Variants in RAPGEF5 observed in about 807,000 individuals in gnomAD.
The protein encoded by RAPGEF5 is Rap guanine nucleotide exchange factor 5.
A neutral mutation model predicts 125.2 loss-of-function variants in RAPGEF5; 65 were observed. The ratio of observed to expected loss-of-function variants is 0.52; its 90% confidence interval spans 0.43 to 0.64. The LOEUF is 0.64. RAPGEF5 is among the 30% of genes least tolerant of loss of function. The pLI is 0.00. For missense variants in RAPGEF5, 958 were observed against 1,048.1 expected (o/e 0.91, Z 1.19); for synonymous variants, 391 against 385.9 (o/e 1.01, Z -0.16).
chr7:22,286,677 C>T (rs953765360), intron 6 of RAPGEF5, among the ~76,000 whole-genome samples: 7 of 152,206 alleles, frequency 4.6e-5, no homozygotes, highest in Non-Finnish European at 1.0e-4. Context: ...CCTAAATTTA[C>T]ATCCTTAAGA....
At chr7:22,198,953 A>G (rs1017347206) in intron 9 of RAPGEF5, among the ~76,000 whole-genome samples, 2 of 152,146 alleles carry the variant, frequency 1.3e-5, no homozygotes, top group Admixed American at 6.5e-5. Context: ...AGAACCACAG[A>G]TGTCCCCTAA....
chr7:22,177,711 C>T (rs1784552113), intron 11 of RAPGEF5, among the ~76,000 whole-genome samples: 1 of 152,200 alleles, frequency 6.6e-6, no homozygotes, highest in African/African-American at 2.4e-5. Context: ...TTTGAGGTGA[C>T]AGCACTGAGG....
At chr7:22,315,123 C>T (rs1050954075) in intron 3 of RAPGEF5, among the ~76,000 whole-genome samples, 2 of 152,170 alleles carry the variant, frequency 1.3e-5, no homozygotes, top group African/African-American at 4.8e-5. Context: ...AGCAGAGACT[C>T]TCTCAGGAGC....
chr7:22,161,192 G>C (rs888298564), intron 13 of RAPGEF5, among the ~76,000 whole-genome samples: 4 of 152,136 alleles, frequency 2.6e-5, no homozygotes, highest in Non-Finnish European at 5.9e-5. Flanking sequence ...CTAGGCGACA[G>C]AGCGAGACTC....
intron 8 of RAPGEF5, among the ~76,000 whole-genome samples, chr7:22,229,395 G>A (rs10266890): frequency 0.017 from 2,656 of 152,254 alleles, 73 homozygotes; most frequent in African/African-American, 0.061. Context: ...CATCATCTAT[G>A]CGGAAGAAGG....
At position 22,200,074 on chromosome 7, in the gene RAPGEF5, A is replaced by G. The variant is rs142882103; in HGVS notation, c.997-6041T>C. On this transcript the variant is annotated intron_variant, in intron 9 of 25. Coordinates refer to ENST00000665637, the MANE Select transcript of RAPGEF5 (RefSeq NM_012294.5). ...TAAATAGGAAGAGGGCACATGATTT[A>G]GCAGTTAGGTATCTCTTCCCATCTT... is the stretch of plus-strand genomic sequence containing the variant. Among the ~76,000 whole-genome samples the G allele has an allele frequency of 4.7e-3, 718 of 152,328 alleles. 3 individuals carry two copies. The highest frequency in any genetic ancestry group is 0.017 in the African/African-American group (691 of 41,576).
chr7:22,204,656 T>C (rs1399446249), intron 9 of RAPGEF5, among the ~76,000 whole-genome samples: 1 of 152,202 alleles, frequency 6.6e-6, no homozygotes, highest in Non-Finnish European at 1.5e-5. Context: ...GTACATTCCT[T>C]GGTGTTTTTA....
intron 6 of RAPGEF5, among the ~76,000 whole-genome samples, chr7:22,267,507 C>A (rs1027807725): frequency 6.6e-6 from 1 of 152,122 alleles, no homozygotes; most frequent in Non-Finnish European, 1.5e-5. Flanking sequence ...AGGTTTACAG[C>A]AACCATTTTG....
At chr7:22,149,774 T>G (rs939022986) in intron 18 of RAPGEF5, among the ~76,000 whole-genome samples, 8 of 152,158 alleles carry the variant, frequency 5.3e-5, no homozygotes, top group African/African-American at 1.9e-4. Context: ...AGGATGCATT[T>G]CTCAGCCTCA....
Position 22,318,157 on chromosome 7 carries a change from A to G in RAPGEF5, c.232-120T>C, listed in dbSNP as rs1010719131. The G allele has an allele frequency of 3.2e-6, 3 of 950,978 alleles. No individual in the cohort carries two copies. In the African/African-American group the frequency reaches 5.1e-5, roughly 16 times the overall value. 58.9% of individuals were successfully genotyped at this position (950,978 alleles called of 1,614,324 possible). A position where few individuals can be genotyped will look rare whatever the true frequency, so the allele number is the denominator to read the frequency against. ...TGCTATGAAAAAAAAAAAAAAAATGAGCTTAAATCTCAAATCATGGTCCCT... is the reference window on the plus strand; with the variant it reads ...TGCTATGAAAAAAAAAAAAAAAATGGGCTTAAATCTCAAATCATGGTCCCT... On this transcript the variant is annotated intron_variant, in intron 1 of 25. Transcript: ENST00000665637.
chr7:22,183,056 T>C, intron 11 of RAPGEF5, among the ~76,000 whole-genome samples: 1 of 152,070 alleles, frequency 6.6e-6, no homozygotes, highest in East Asian at 1.9e-4. Context: ...GTGGATCACC[T>C]GAGGTCAGGA....
chr7:22,180,608 T>TTC (rs1784644855), intron 11 of RAPGEF5, among the ~76,000 whole-genome samples: 1 of 152,166 alleles, frequency 6.6e-6, no homozygotes, highest in African/African-American at 2.4e-5. Context: ...TATACCATGT[T>TTC]TAAATCATCA....
intron 5 of RAPGEF5, among the ~76,000 whole-genome samples, chr7:22,303,996 T>A (rs1783273699): frequency 6.6e-6 from 1 of 152,148 alleles, no homozygotes; most frequent in Non-Finnish European, 1.5e-5. Context: ...TGGGATAGGA[T>A]CATGCATGTG....
At chr7:22,317,932 C>G (rs1783635949) in intron 2 of RAPGEF5, 55 bp downstream of exon 2, 2 of 1,541,632 alleles carry the variant, frequency 1.3e-6, no homozygotes. Flanking sequence ...AATTGTACAT[C>G]AGAATTTGTC....
At chr7:22,154,709 T>C (rs1583421195) in intron 16 of RAPGEF5, 105 bp from the exon 17 acceptor site, 1 of 1,290,920 alleles carries the variant, frequency 7.7e-7, no homozygotes, top group African/African-American at 1.5e-5. Flanking sequence ...TCAACCCACC[T>C]GGCTATTCTC....
chr7:22,294,020 A>G (rs1782994250), intron 5 of RAPGEF5, among the ~76,000 whole-genome samples: 1 of 152,190 alleles, frequency 6.6e-6, no homozygotes, highest in Non-Finnish European at 1.5e-5. Context: ...CACTTATCCA[A>G]TCAAAATAAA....
chr7:22,165,096 T>C (rs554159936), intron 12 of RAPGEF5, among the ~76,000 whole-genome samples: 1 of 152,268 alleles, frequency 6.6e-6, no homozygotes, highest in South Asian at 2.1e-4. Context: ...GAAACAATCA[T>C]AAAGAAAGAC....
intron 25 of RAPGEF5, among the ~76,000 whole-genome samples, chr7:22,122,943 A>G (rs1782626639): frequency 6.6e-6 from 1 of 152,182 alleles, no homozygotes; most frequent in East Asian, 1.9e-4. Flanking sequence ...ATCTCAGTCT[A>G]GAAGCGTTGA....
intron 5 of RAPGEF5, among the ~76,000 whole-genome samples, chr7:22,299,019 C>CTT (rs545568109): frequency 1.5e-4 from 19 of 123,982 alleles, no homozygotes; most frequent in South Asian, 1.0e-3. Flanking sequence ...GATTTCGTAC[C>CTT]TTTTTTTTTT....
Sources: allele counts gnomAD v4.1 joint callset (sites outside exome capture counted in the v4.1 genomes callset), GRCh38; gene constraint gnomAD v4.1.1; transcripts MANE v1.5; gene names NCBI Gene and HGNC (gene_info 2026-07-23, HGNC 2026-07-21).